CCSER1: variants seen among roughly 807,000 people sequenced by gnomAD.
CCSER1 encodes the protein coiled-coil serine rich protein 1, also known as serine-rich coiled-coil domain-containing protein 1.
In CCSER1, 41 loss-of-function variants were observed where a neutral mutation model predicts 82.0. The observed-to-expected ratio is 0.50, with a 90% CI of 0.39 to 0.65. The LOEUF (loss-of-function observed/expected upper bound fraction) is 0.65, where lower values mean the gene tolerates loss of function less well. Among genes scored for constraint, CCSER1 ranks in the 30% least tolerant of loss-of-function variants. The pLI is 0.00. For synonymous variants in CCSER1, 414 were observed against 383.9 expected (o/e 1.08, Z -0.92); for missense variants, 1,119 against 1,064.2 (o/e 1.05, Z -0.72).
intron 10 of CCSER1, among the ~76,000 whole-genome samples, chr4:91,346,839 T>C (rs1748096436): frequency 6.6e-6 from 1 of 152,222 alleles, no homozygotes; most frequent in African/African-American, 2.4e-5. Context: ...GTTTGTTTCT[T>C]ATTTTTGAGT....
intron 10 of CCSER1, among the ~76,000 whole-genome samples, chr4:91,341,641 A>G (rs1292090533): frequency 1.3e-5 from 2 of 152,060 alleles, no homozygotes; most frequent in Non-Finnish European, 2.9e-5. Flanking sequence ...CTCCAGGTTC[A>G]AGCTATTCTC....
At chr4:91,558,246 G>A (rs1317162411) in intron 10 of CCSER1, among the ~76,000 whole-genome samples, 9 of 150,478 alleles carry the variant, frequency 6.0e-5, no homozygotes, top group Non-Finnish European at 1.3e-4. Context: ...CAAAATATGT[G>A]TATTATTGGT....
chr4:91,430,456 G>T (rs1295165672), intron 10 of CCSER1, among the ~76,000 whole-genome samples: 1 of 152,090 alleles, frequency 6.6e-6, no homozygotes, highest in East Asian at 1.9e-4. Flanking sequence ...TGATTATTTT[G>T]CTTACAATGC....
intron 1 of CCSER1, among the ~76,000 whole-genome samples, chr4:90,136,008 G>T (rs1723635966): frequency 6.6e-6 from 1 of 152,138 alleles, no homozygotes; most frequent in Non-Finnish European, 1.5e-5. Context: ...GGGTTTGCCT[G>T]TTTCTCTTTT....
intron 10 of CCSER1, among the ~76,000 whole-genome samples, chr4:91,482,645 G>A (rs975485838): frequency 1.3e-5 from 2 of 151,888 alleles, no homozygotes; most frequent in African/African-American, 2.4e-5. Flanking sequence ...ACATGCACAC[G>A]TATATATATT....
At chr4:90,502,440 G>A (rs1369891159) in intron 5 of CCSER1, among the ~76,000 whole-genome samples, 2 of 152,130 alleles carry the variant, frequency 1.3e-5, no homozygotes, top group African/African-American at 4.8e-5. Flanking sequence ...TAACATTGGG[G>A]ATTTCAATTC....
intron 10 of CCSER1, among the ~76,000 whole-genome samples, chr4:91,151,833 G>C (rs1226760706): frequency 6.6e-6 from 1 of 152,190 alleles, no homozygotes; most frequent in Non-Finnish European, 1.5e-5. Context: ...ACTGTGGTCT[G>C]AGAAACAGTT....
intron 10 of CCSER1, among the ~76,000 whole-genome samples, chr4:91,378,274 C>G (rs1202365265): frequency 3.9e-5 from 6 of 152,094 alleles, no homozygotes; most frequent in Admixed American, 2.6e-4. Context: ...TAGATTTTTC[C>G]AATTCTGTGA....
At chr4:90,964,742 A>AAG (rs1734390853) in intron 9 of CCSER1, among the ~76,000 whole-genome samples, 1 of 151,176 alleles carries the variant, frequency 6.6e-6, no homozygotes, top group African/African-American at 2.4e-5. Context: ...AAAAAAAAAA[A>AAG]AAAAAAAAAA....
chr4:90,524,711 T>C (rs1773540164), intron 5 of CCSER1, among the ~76,000 whole-genome samples: 1 of 152,040 alleles, frequency 6.6e-6, no homozygotes, highest in African/African-American at 2.4e-5. Context: ...TCATGATCCG[T>C]CTGCCTCGGC....
chr4:90,481,630 T>A (rs1049912329), intron 5 of CCSER1, among the ~76,000 whole-genome samples: 1 of 152,250 alleles, frequency 6.6e-6, no homozygotes, highest in African/African-American at 2.4e-5. Flanking sequence ...GAGATAATCA[T>A]GTGGTTTTTG....
chr4:90,547,936 A>G (rs1460998451), intron 5 of CCSER1, among the ~76,000 whole-genome samples: 1 of 152,164 alleles, frequency 6.6e-6, no homozygotes, highest in Non-Finnish European at 1.5e-5. Context: ...CTAAGTTATT[A>G]TTTGCTAAAC....
chr4:90,752,697 A>G (rs1748860702), intron 7 of CCSER1, among the ~76,000 whole-genome samples: 1 of 152,020 alleles, frequency 6.6e-6, no homozygotes, highest in Non-Finnish European at 1.5e-5. Context: ...AGATATACTC[A>G]TTTCCTGGGT....
At chr4:90,546,503 A>G (rs1657117858) in intron 5 of CCSER1, among the ~76,000 whole-genome samples, 1 of 152,146 alleles carries the variant, frequency 6.6e-6, no homozygotes, top group Non-Finnish European at 1.5e-5. Context: ...ATTTTCCTAG[A>G]TATGACTTAG....
At chr4:91,344,621 A>G (rs997444236) in intron 10 of CCSER1, among the ~76,000 whole-genome samples, 1 of 151,736 alleles carries the variant, frequency 6.6e-6, no homozygotes, top group Non-Finnish European at 1.5e-5. Flanking sequence ...GTAGCTTTTT[A>G]ACCTCAAACT....
chr4:90,486,854 A>G (rs948055380), intron 5 of CCSER1, among the ~76,000 whole-genome samples: 1 of 152,368 alleles, frequency 6.6e-6, no homozygotes, highest in Non-Finnish European at 1.5e-5. Context: ...AAAGAAAGCC[A>G]GTCCAACTTT....
chr4:90,377,802 A>G (rs1007323096), intron 3 of CCSER1, among the ~76,000 whole-genome samples: 3 of 152,166 alleles, frequency 2.0e-5, no homozygotes, highest in African/African-American at 4.8e-5. Flanking sequence ...TTAACAAAAC[A>G]TAATTGGAAA....
rs530021682 is a variant in CCSER1 at position 90,978,008 on chromosome 4, G to A, written c.2172+54561G>A. Among the ~76,000 whole-genome samples, 22 of 151,690 alleles carry A rather than the reference G, an allele frequency of 1.5e-4. No individual in the cohort carries two copies. In the South Asian group the frequency reaches 4.4e-3, roughly 30 times the overall value. On this transcript the variant is annotated intron_variant, in intron 9 of 10. Transcript: ENST00000509176. Reference sequence around the variant, plus strand: ...CAGTTGCAATACATGTATATTAGGGGTTTCTGATATCCTGCAAATTACATC... The same window carrying A: ...CAGTTGCAATACATGTATATTAGGGATTTCTGATATCCTGCAAATTACATC...
intron 9 of CCSER1, among the ~76,000 whole-genome samples, chr4:90,928,526 G>A (rs964015786): frequency 1.3e-5 from 2 of 152,032 alleles, no homozygotes; most frequent in Admixed American, 1.3e-4. Context: ...AAATCAATAA[G>A]CTAAGTAAAT....
Sources: allele counts gnomAD v4.1 joint callset (sites outside exome capture counted in the v4.1 genomes callset), GRCh38; gene constraint gnomAD v4.1.1; transcripts MANE v1.5; gene names NCBI Gene and HGNC (gene_info 2026-07-23, HGNC 2026-07-21).